The following SKOR2 variants were observed in gnomAD, a reference collection of about 807,000 sequenced individuals.
The protein encoded by SKOR2 is SKI family transcriptional corepressor 2.
In SKOR2, 47 loss-of-function variants were observed where a neutral mutation model predicts 69.1. The observed-to-expected ratio is 0.68, with a 90% CI of 0.54 to 0.87. The LOEUF (loss-of-function observed/expected upper bound fraction) is 0.87, where lower values mean the gene tolerates loss of function less well. Among genes scored for constraint, SKOR2 ranks in the 40% least tolerant of loss-of-function variants. The probability of loss-of-function intolerance (pLI) is 0.00; values close to 1 mark genes in which losing one functional copy is unlikely to be tolerated. For missense variants in SKOR2, 1,404 were observed against 1,472.2 expected (o/e 0.95, Z 0.76); for synonymous variants, 717 against 672.6 (o/e 1.07, Z -1.02).
intron 8 of SKOR2, among the ~76,000 whole-genome samples, chr18:47,211,836 G>A (rs1367587538): frequency 1.3e-5 from 2 of 152,150 alleles, no homozygotes; most frequent in Non-Finnish European, 2.9e-5. Flanking sequence ...ACGGAAAGAA[G>A]ATCACTTTTG....
intron 2 of SKOR2, among the ~76,000 whole-genome samples, chr18:47,246,118 C>T (rs2064271849): frequency 6.6e-6 from 1 of 152,118 alleles, no homozygotes; most frequent in Non-Finnish European, 1.5e-5. Flanking sequence ...ACTTTTGAAG[C>T]CAATGCATTT....
In SKOR2 at chr18:47,244,858, C is replaced by G. The variant is rs1397415969; in HGVS notation, c.2752+50G>C. The G allele has an allele frequency of 2.0e-6, 3 of 1,467,236 alleles. No homozygotes were observed. The East Asian group carries it at 7.4e-5, about 36-fold the overall frequency. The allele number at this position is 1,467,236 out of a possible 1,614,324, so 90.9% of individuals were successfully genotyped here. On this transcript the variant is annotated intron_variant, in intron 4 of 8. Coordinates refer to ENST00000425639, the MANE Select transcript of SKOR2 (RefSeq NM_001278063.4). ...AGTCTTTTGATTATGAATTTCAGCC[C>G]CTCTCCCTGTCATCTGACTATTCAT... is the stretch of plus-strand genomic sequence containing the variant.
chr18:47,247,694 C>T lies in SKOR2; in HGVS notation c.1490G>A (p.Cys497Tyr), dbSNP rs1211144481. Reference protein sequence around the residue: ...PPPQPPSALGCALGESPALLR... With the variant: ...PPPQPPSALGYALGESPALLR... ...CAGGGCCGGGCTTTCGCCTAGCGCG[C>T]AGCCTAGCGCCGAGGGCGGCTGAGG... Residue 497 changes from cysteine to tyrosine, a missense_variant, in exon 2 of 9, where the codon TGC becomes TAC. This residue lies in a region of SKOR2 where 1,266 missense variants were observed against 1,309.9 expected (regional missense o/e 0.97). Coordinates refer to ENST00000425639, the MANE Select transcript of SKOR2 (RefSeq NM_001278063.4). The surrounding 1 kb of genome is among the most constrained non-coding windows in gnomAD (Gnocchi z 6.6). 38 of 1,355,552 alleles carry T rather than the reference C, an allele frequency of 2.8e-5. No individual in the cohort carries two copies. Among genetic ancestry groups the T allele is most frequent in the Non-Finnish European group, 3.5e-5 (37 of 1,061,794 alleles). 84.0% of individuals were successfully genotyped at this position (1,355,552 alleles called of 1,614,324 possible). A position where few individuals can be genotyped will look rare whatever the true frequency, so the allele number is the denominator to read the frequency against.
chr18:47,242,450 T>C (rs962458193), intron 4 of SKOR2, among the ~76,000 whole-genome samples: 1 of 152,154 alleles, frequency 6.6e-6, no homozygotes, highest in Non-Finnish European at 1.5e-5. Context: ...TTAAAGTTCC[T>C]AAAAGTAAAT....
chr18:47,243,448 A>G (rs2064257766), intron 4 of SKOR2, among the ~76,000 whole-genome samples: 1 of 152,230 alleles, frequency 6.6e-6, no homozygotes, highest in African/African-American at 2.4e-5. Flanking sequence ...AACAAAAGCA[A>G]CTGACTATCT....
chr18:47,212,108 G>T lies in SKOR2; in HGVS notation c.3029C>A (p.Ala1010Asp). The T allele has an allele frequency of 7.3e-6, 9 of 1,232,026 alleles. No individual in the cohort carries two copies. The highest frequency in any genetic ancestry group is 9.1e-6 in the Non-Finnish European group (9 of 987,894). The allele number at this position is 1,232,026 out of a possible 1,614,324, so 76.3% of individuals were successfully genotyped here. ...ASLIRKEKLG[A>D]HLSKS ...TACCTTTTAGCTTTTGCTGAGATGG[G>T]CGCCAAGCTTTTCTTTCCTGATCAA... The change falls in exon 8 of 9, where the codon GCC becomes GAC. Residue 1010 changes from alanine to aspartate, a missense_variant. Physicochemically the swap from Ala to Asp is moderately radical, Grantham distance 126. Transcript: ENST00000425639.
chr18:47,210,059 A>G (rs1210637729), intron 8 of SKOR2, among the ~76,000 whole-genome samples: 2 of 152,192 alleles, frequency 1.3e-5, no homozygotes, highest in East Asian at 3.9e-4. Context: ...GTCTGGGTAG[A>G]AGAGTGAGAC....
chr18:47,237,157 G>C (rs902683889), intron 4 of SKOR2, among the ~76,000 whole-genome samples: 1 of 152,156 alleles, frequency 6.6e-6, no homozygotes, highest in African/African-American at 2.4e-5. Flanking sequence ...GCACTAACTT[G>C]TTCCTATATG....
intron 4 of SKOR2, among the ~76,000 whole-genome samples, chr18:47,240,502 T>C (rs2064244079): frequency 6.6e-6 from 1 of 152,216 alleles, no homozygotes; most frequent in Non-Finnish European, 1.5e-5. Flanking sequence ...TCCTGGCTTT[T>C]GGGTAATTTT....
At chr18:47,249,847 T>C (rs2064305082) in intron 1 of SKOR2, among the ~76,000 whole-genome samples, 1 of 152,220 alleles carries the variant, frequency 6.6e-6, no homozygotes, top group Admixed American at 6.5e-5. Flanking sequence ...TAATTAGAAT[T>C]ATTTTTTTGA....
chr18:47,246,901 T>C lies in SKOR2; in HGVS notation c.2283A>G (p.Arg761=). ...PPEGEEEEEG[R]DPDDDEEEDE... ...CCTCTTCCTCGTCGTCGTCAGGGTC[T>C]CGACCTTCCTCCTCTTCCTCGCCCT... The change falls in exon 2 of 9, where the codon CGA becomes CGG. Residue 761 remains arginine, a synonymous_variant. Coordinates refer to ENST00000425639, the MANE Select transcript of SKOR2 (RefSeq NM_001278063.4). 3 of 1,491,520 alleles carry C rather than the reference T, an allele frequency of 2.0e-6. No individual in the cohort carries two copies. Among genetic ancestry groups the C allele is most frequent in the East Asian group, 2.8e-5 (1 of 35,634 alleles). 92.4% of individuals were successfully genotyped at this position (1,491,520 alleles called of 1,614,324 possible). A position where few individuals can be genotyped will look rare whatever the true frequency, so the allele number is the denominator to read the frequency against.
At chr18:47,212,023 AAT>A in intron 8 of SKOR2, 61 bp downstream of exon 8, 1 of 1,218,940 alleles carries the variant, frequency 8.2e-7, no homozygotes, top group Non-Finnish European at 1.0e-6. Flanking sequence ...ATCAATAAAG[AAT>A]ATGTTCAAGC....
intron 7 of SKOR2, among the ~76,000 whole-genome samples, chr18:47,216,601 G>A (rs1004682600): frequency 2.6e-5 from 4 of 152,020 alleles, no homozygotes; most frequent in Admixed American, 2.6e-4. Context: ...AAAAATGCAG[G>A]AGCCAAAGAA....
intron 4 of SKOR2, among the ~76,000 whole-genome samples, chr18:47,236,151 G>T (rs2064222537): frequency 6.6e-6 from 1 of 152,082 alleles, no homozygotes; most frequent in Admixed American, 6.6e-5. Context: ...TGTCTGGCTA[G>T]TTTTTTTCTG....
chr18:47,251,102 T>C (rs2081677489), intron 1 of SKOR2, among the ~76,000 whole-genome samples: 1 of 123,084 alleles, frequency 8.1e-6, no homozygotes, highest in African/African-American at 3.1e-5. Context: ...CACAAGGTTT[T>C]GGTTGGGGCA....
chr18:47,247,817 G>A lies in SKOR2; in HGVS notation c.1367C>T (p.Pro456Leu). 1 of 1,393,892 alleles carries A rather than the reference G, an allele frequency of 7.2e-7. No homozygotes were observed. The allele number at this position is 1,393,892 out of a possible 1,614,324, so 86.3% of individuals were successfully genotyped here. ...ATAGAAGGCGTCCTTGCGGCCCGCG[G>A]GCCAGAAGAGGCCGGACAAGCCGGC... ...PKAGLSGLFW[P>L]AGRKDAFYPP... Residue 456 changes from proline (P) to leucine (L), a missense_variant, in exon 2 of 9, where the codon CCC becomes CTC. Physicochemically the swap from Pro to Leu is moderately conservative, Grantham distance 98 (BLOSUM62 -3). Coordinates refer to ENST00000425639, the MANE Select transcript of SKOR2 (RefSeq NM_001278063.4). This position sits in a 1 kb window ranked among gnomAD's most constrained non-coding sequence, Gnocchi z 6.6.
chr18:47,217,624 G>A (rs990612410), intron 7 of SKOR2, among the ~76,000 whole-genome samples: 1 of 152,190 alleles, frequency 6.6e-6, no homozygotes, highest in African/African-American at 2.4e-5. Flanking sequence ...ATCATCATGG[G>A]TGGTGATTCA....
chr18:47,241,091 C>A (rs868574649), intron 4 of SKOR2, among the ~76,000 whole-genome samples: 1 of 152,276 alleles, frequency 6.6e-6, no homozygotes, highest in Non-Finnish European at 1.5e-5. Flanking sequence ...TAATCTGTCT[C>A]CTCCTCTTGA....
intron 6 of SKOR2, among the ~76,000 whole-genome samples, 152 bp from the exon 7 acceptor site, chr18:47,220,162 T>C (rs560068702): frequency 1.3e-5 from 2 of 152,284 alleles, no homozygotes; most frequent in Non-Finnish European, 2.9e-5. Flanking sequence ...TTGAAGAATG[T>C]TTTCAACACT....
Sources: gnomAD v4.1 joint callset for allele counts (sites outside exome capture counted in the v4.1 genomes callset) on GRCh38, gnomAD v4.1.1 for gene constraint, gnomAD v4.1.1 regional missense constraint, Gnocchi (gnomAD v3.1) non-coding constraint, MANE v1.5 for transcripts, NCBI Gene and HGNC (gene_info 2026-07-23, HGNC 2026-07-21) for gene names.